Variants in KCTD15 observed in about 807,000 individuals in gnomAD.
The protein encoded by KCTD15 is BTB/POZ domain-containing protein KCTD15.
KCTD15 carries 11 observed loss-of-function variants against 27.2 expected under a neutral mutation model. The ratio of observed to expected loss-of-function variants is 0.41; its 90% CI spans 0.25 to 0.67. The LOEUF (loss-of-function observed/expected upper bound fraction) is 0.67, where lower values mean the gene tolerates loss of function less well. KCTD15 is among the 30% of genes least tolerant of loss of function. KCTD15 has a pLI of 0.35. For synonymous variants in KCTD15, 163 were observed against 176.0 expected, an observed-to-expected ratio of 0.93 and a Z score of 0.58; for missense variants, 350 against 409.3, an observed-to-expected ratio of 0.86 and a Z score of 1.25.
intron 6 of KCTD15, chr19:33,811,794 G>A: frequency 6.3e-7 from 1 of 1,593,150 alleles, no homozygotes; most frequent in Non-Finnish European, 8.5e-7. Context: ...CCAAAAGGAT[G>A]TTCTATAAAA....
chr19:33,806,406 A>G (rs569063578), intron 4 of KCTD15, among the ~76,000 whole-genome samples: 1 of 151,770 alleles, frequency 6.6e-6, no homozygotes, highest in African/African-American at 2.4e-5. Context: ...GGTGGGGAGG[A>G]TGTATGTCCT....
At chr19:33,803,703 C>T (rs1975631191) in intron 4 of KCTD15, among the ~76,000 whole-genome samples, 1 of 152,062 alleles carries the variant, frequency 6.6e-6, no homozygotes, top group African/African-American at 2.4e-5. Context: ...GTCCTGCCTG[C>T]TTGACCCCCG....
At chr19:33,798,098 GT>G (rs1975409608) in intron 1 of KCTD15, among the ~76,000 whole-genome samples, 1 of 152,060 alleles carries the variant, frequency 6.6e-6, no homozygotes, top group Non-Finnish European at 1.5e-5. Flanking sequence ...GAGGGGGGGG[GT>G]GGGGAGGCTG....
rs1311963028 is a variant in KCTD15, at chr19:33,812,911, C to A, written c.815C>A (p.Pro272His). 2.6e-6 allele frequency: 4 copies of A among 1,549,820 alleles called. No individual in the cohort carries two copies. The Admixed American group carries it at 5.9e-5, about 23-fold the overall frequency. Residue 272 changes from proline (P) to histidine (H), a missense_variant, in exon 7 of 7, where the codon CCC (proline) becomes CAC (histidine). Physicochemically the swap from Pro to His is moderately conservative, Grantham distance 77 (BLOSUM62 -2). Around this residue, in one of 3 missense-constraint regions of KCTD15, gnomAD observed 219 missense variants for 234.9 expected, o/e 0.93. Transcript: ENST00000683859. ...GAGGAGCGGCGGCCGCAGCCCACCCCCACTGCTGTTCGAATCAAGCAGGAA... is the reference window on the plus strand; with the variant it reads ...GAGGAGCGGCGGCCGCAGCCCACCCACACTGCTGTTCGAATCAAGCAGGAA... ...CREERRPQPT[P>H]TAVRIKQEPL...
At chr19:33,797,387 C>G (rs1017115116) in intron 1 of KCTD15, 2 of 455,296 alleles carry the variant, frequency 4.4e-6, no homozygotes, top group South Asian at 3.1e-5. Flanking sequence ...GAAACGGGCT[C>G]ACGCAACTGG....
chr19:33,795,685 G>A (rs557131700), upstream of KCTD15, among the ~76,000 whole-genome samples: 10 of 152,252 alleles, frequency 6.6e-5, no homozygotes, highest in African/African-American at 2.4e-4. Flanking sequence ...GAAACAGGAG[G>A]AAGAGGAAGG....
chr19:33,796,679 G>A (rs1975325145), upstream of KCTD15, among the ~76,000 whole-genome samples: 1 of 148,648 alleles, frequency 6.7e-6, no homozygotes, highest in Non-Finnish European at 1.5e-5. Flanking sequence ...AGCGGCGGGA[G>A]GGCAGCCGGA....
intron 5 of KCTD15, among the ~76,000 whole-genome samples, chr19:33,810,645 A>G (rs1427920792): frequency 2.0e-5 from 3 of 151,684 alleles, no homozygotes; most frequent in Non-Finnish European, 4.4e-5. Context: ...AGCCTGGGTG[A>G]CAGAGAGAGT....
rs2145501369 is a variant in KCTD15, at chr19:33,812,882, C to T, written c.786C>T (p.Cys262=). The T allele has an allele frequency of 1.9e-6, 3 of 1,550,062 alleles. No individual in the cohort carries two copies. The highest frequency in any genetic ancestry group is 1.7e-4 in the Middle Eastern group (1 of 5,968). The change falls in exon 7 of 7, where the codon TGC becomes TGT. Residue 262 remains cysteine, a synonymous_variant. Coordinates refer to ENST00000683859, the MANE Select transcript of KCTD15 (RefSeq NM_001129994.2). ...DSSQFSEYVL[C]REERRPQPTP... is the part of the protein sequence containing the mutation. ...CCCAGTTCAGCGAGTATGTGCTTTG[C>T]CGGGAGGAGCGGCGGCCGCAGCCCA...
chr19:33,812,532 G>A, intron 6 of KCTD15: 1 of 1,251,080 alleles, frequency 8.0e-7, no homozygotes. Flanking sequence ...CCTGAGGGCA[G>A]CAGGATGGTG....
chr19:33,809,058 C>A (rs1270396727), intron 5 of KCTD15, among the ~76,000 whole-genome samples: 1 of 151,968 alleles, frequency 6.6e-6, no homozygotes, highest in Non-Finnish European at 1.5e-5. Context: ...AGGTGGATCA[C>A]CTGAGGTCAG....
At chr19:33,801,978 C>T (rs1230021166) in intron 4 of KCTD15, among the ~76,000 whole-genome samples, 1 of 152,132 alleles carries the variant, frequency 6.6e-6, no homozygotes, top group African/African-American at 2.4e-5. Context: ...CTGGCCAGGA[C>T]CCTGGTTGGG....
intron 6 of KCTD15, chr19:33,812,169 G>A (rs967350529): frequency 8.6e-7 from 1 of 1,164,776 alleles, no homozygotes; most frequent in Middle Eastern, 3.5e-4. Context: ...GTCAGAACTT[G>A]CTAGTTGCAG....
Position 33,815,516 on chromosome 19 carries a change from C to T in KCTD15, c.*2568C>T, listed in dbSNP as rs1328944762. 6.6e-6 allele frequency: 1 copy of T among 152,060 alleles called. No homozygotes were observed. Among genetic ancestry groups the T allele is most frequent in the South Asian group, 2.1e-4 (1 of 4,826 alleles). 9.4% of individuals were successfully genotyped at this position (152,060 alleles called of 1,614,324 possible). A position where few individuals can be genotyped will look rare whatever the true frequency, so the allele number is the denominator to read the frequency against. On this transcript the variant is annotated 3_prime_UTR_variant, in exon 7 of 7. Coordinates refer to ENST00000683859, the MANE Select transcript of KCTD15 (RefSeq NM_001129994.2). Reference sequence around the variant, plus strand: ...TTTGTAAACCTCAAAACTCATTATTCTTGATTATAAGCAACTGGACAGAAC... The same window carrying T: ...TTTGTAAACCTCAAAACTCATTATTTTTGATTATAAGCAACTGGACAGAAC...
chr19:33,798,901 A>G (rs1975441070), intron 2 of KCTD15, 135 bp downstream of exon 2: 1 of 152,138 alleles, frequency 6.6e-6, no homozygotes, highest in Non-Finnish European at 1.5e-5. Context: ...ATTGGGGAAA[A>G]CATCTTGCAG....
chr19:33,805,206 G>A (rs1024237954), intron 4 of KCTD15, among the ~76,000 whole-genome samples: 2 of 152,166 alleles, frequency 1.3e-5, no homozygotes, highest in African/African-American at 4.8e-5. Context: ...ACAGGTGTGA[G>A]CCACGGTGCC....
At chr19:33,810,543 G>A (rs1377003967) in intron 5 of KCTD15, among the ~76,000 whole-genome samples, 1 of 152,104 alleles carries the variant, frequency 6.6e-6, no homozygotes, top group Non-Finnish European at 1.5e-5. Context: ...AGCCGGGTGT[G>A]GTGGCAGGCA....
chr19:33,801,426 C>T, intron 4 of KCTD15, 84 bp downstream of exon 4: 1 of 1,215,016 alleles, frequency 8.2e-7, no homozygotes, highest in Non-Finnish European at 1.1e-6. Context: ...GGGGTCTCTC[C>T]CCACTGTCAC....
intron 6 of KCTD15, 200 bp downstream of exon 6, chr19:33,811,752 A>G: frequency 6.3e-7 from 1 of 1,593,904 alleles, no homozygotes; most frequent in Non-Finnish European, 8.5e-7. Context: ...GATGGACTTA[A>G]AAAAATCGAT....
Sources: gnomAD v4.1 joint callset for allele counts (sites outside exome capture counted in the v4.1 genomes callset) on GRCh38, gnomAD v4.1.1 for gene constraint, gnomAD v4.1.1 regional missense constraint, MANE v1.5 for transcripts, NCBI Gene and HGNC (gene_info 2026-07-23, HGNC 2026-07-21) for gene names.